MAP3K13: variants seen among roughly 807,000 people sequenced by gnomAD.
MAP3K13 encodes the protein mitogen-activated protein kinase kinase kinase 13.
In MAP3K13, 52 loss-of-function variants were observed where a neutral mutation model predicts 104.0. The ratio of observed to expected loss-of-function variants is 0.50; its 90% CI spans 0.40 to 0.63. The LOEUF is 0.63. Among genes scored for constraint, MAP3K13 ranks in the 20% least tolerant of loss-of-function variants. The probability of loss-of-function intolerance (pLI) is 0.00; values close to 1 mark genes in which losing one functional copy is unlikely to be tolerated. For synonymous variants in MAP3K13, 394 were observed against 442.2 expected, an observed-to-expected ratio of 0.89 and a Z score of 1.37; for missense variants, 914 against 1,218.5, an observed-to-expected ratio of 0.75 and a Z score of 3.72.
chr3:185,345,773 A>G (rs1577447243), intron 2 of MAP3K13, among the ~76,000 whole-genome samples: 1 of 152,288 alleles, frequency 6.6e-6, no homozygotes, highest in African/African-American at 2.4e-5. Flanking sequence ...ATTACAATGT[A>G]ATAATAGAAA....
At chr3:185,469,437 C>T (rs1188726749) in intron 10 of MAP3K13, among the ~76,000 whole-genome samples, 2 of 152,182 alleles carry the variant, frequency 1.3e-5, no homozygotes, top group African/African-American at 4.8e-5. Flanking sequence ...ATCCTCAGTG[C>T]ACTTCTCCAT....
intron 2 of MAP3K13, among the ~76,000 whole-genome samples, chr3:185,313,704 G>C (rs1162139489): frequency 6.7e-6 from 1 of 149,582 alleles, no homozygotes; most frequent in African/African-American, 2.5e-5. Flanking sequence ...TAAAATACCT[G>C]ATACAGACAT....
chr3:185,384,308 C>CTGTGTGTGTGTGTGTGTGTGTGTG (rs142627913), intron 1 of MAP3K13, among the ~76,000 whole-genome samples: 13 of 147,460 alleles, frequency 8.8e-5, no homozygotes, highest in African/African-American at 3.0e-4. Context: ...GTATTCCATT[C>CTGTGTGTGTGTGTGTGTGTGTGTG]TGTGTGTGTG....
chr3:185,381,279 G>A (rs1172033422), intron 1 of MAP3K13, among the ~76,000 whole-genome samples: 2 of 152,120 alleles, frequency 1.3e-5, no homozygotes, highest in African/African-American at 4.8e-5. Flanking sequence ...AGAGTTTCAT[G>A]CATAGAGTAT....
At chr3:185,476,772 G>A (rs929619303) in intron 11 of MAP3K13, among the ~76,000 whole-genome samples, 2 of 152,030 alleles carry the variant, frequency 1.3e-5, no homozygotes, top group African/African-American at 4.8e-5. Flanking sequence ...ATATTTATAG[G>A]GATAACACCA....
chr3:185,423,882 CTGCCAG>C lies in MAP3K13; in HGVS notation c.-85-4611_-85-4606del, dbSNP rs1350449884. ...TCTGGTCATTCCCGCTTCCCTGCCTCTGCCAGTGCTCTTGTTCGCCCCTGATTTCCT... is the reference window on the plus strand; with the variant it reads ...TCTGGTCATTCCCGCTTCCCTGCCTCTGCTCTTGTTCGCCCCTGATTTCCT... On this transcript the variant is annotated intron_variant, in intron 1 of 13. Coordinates refer to ENST00000265026, the MANE Select transcript of MAP3K13 (RefSeq NM_004721.5). This position sits in a 1 kb window ranked among gnomAD's most constrained non-coding sequence, Gnocchi z 4.1. Among the ~76,000 whole-genome samples, 1 of 152,180 alleles carries C rather than the reference CTGCCAG, an allele frequency of 6.6e-6. No individual in the cohort carries two copies. The highest frequency in any genetic ancestry group is 2.4e-5 in the African/African-American group (1 of 41,450).
At chr3:185,353,191 G>A (rs554644629) in intron 2 of MAP3K13, among the ~76,000 whole-genome samples, 231 of 152,270 alleles carry the variant, frequency 1.5e-3, no homozygotes, top group African/African-American at 5.3e-3. Context: ...CTATAGTGCT[G>A]GGTATTGTTA....
At chr3:185,339,398 G>A (rs1336449621) in intron 2 of MAP3K13, among the ~76,000 whole-genome samples, 1 of 152,202 alleles carries the variant, frequency 6.6e-6, no homozygotes, top group East Asian at 1.9e-4. Flanking sequence ...GTGTGTTCTC[G>A]AAGTGTGTTC....
upstream of MAP3K13, among the ~76,000 whole-genome samples, chr3:185,362,477 T>C (rs969916410): frequency 2.0e-4 from 31 of 152,330 alleles, no homozygotes; most frequent in African/African-American, 6.5e-4. Flanking sequence ...TGTACCCTAC[T>C]TAAAAGTAGC....
rs571954612 is a variant in MAP3K13, at chr3:185,446,773, TC to T, written c.852-1015del. Among the ~76,000 whole-genome samples, 424 of 152,364 alleles carry T rather than the reference TC, an allele frequency of 2.8e-3. 2 individuals are homozygous for T. Among genetic ancestry groups the T allele is most frequent in the African/African-American group, 9.9e-3 (413 of 41,584 alleles). On this transcript the variant is annotated intron_variant, in intron 4 of 13. Coordinates refer to ENST00000265026, the MANE Select transcript of MAP3K13 (RefSeq NM_004721.5). ...TCTCATTCATGATATTAGTTGGCTA[TC>T]ATTTAAACAGTGTTTTAAAAGAAGT...
intron 3 of MAP3K13, among the ~76,000 whole-genome samples, chr3:185,441,926 A>T (rs956038251): frequency 6.6e-6 from 1 of 151,958 alleles, no homozygotes; most frequent in Non-Finnish European, 1.5e-5. Flanking sequence ...CTGTAGTCCC[A>T]GCTACCCGGG....
At position 185,426,359 on chromosome 3, in the gene MAP3K13, C is replaced by T. The variant is rs544111940; in HGVS notation, c.-85-2138C>T. Among the ~76,000 whole-genome samples, 11 of 152,276 alleles carry T rather than the reference C, an allele frequency of 7.2e-5. No homozygotes were observed. In the East Asian group the frequency reaches 1.9e-3, roughly 27 times the overall value. ...CCTCCGAAAGTTTTGGGATTACAGG[C>T]GTGAGCTACCACGCCAGCCAAGGAT... On this transcript the variant is annotated intron_variant, in intron 1 of 13. Coordinates refer to ENST00000265026, the MANE Select transcript of MAP3K13 (RefSeq NM_004721.5).
rs1239226509 is a variant in MAP3K13, at chr3:185,482,016, G to A, written c.2800-339G>A. 6.6e-6 allele frequency among the ~76,000 whole-genome samples: 1 copy of A among 152,176 alleles called. No individual in the cohort carries two copies. The highest frequency in any genetic ancestry group is 2.4e-5 in the African/African-American group (1 of 41,436). On this transcript the variant is annotated intron_variant, in intron 13 of 13. Coordinates refer to ENST00000265026, the MANE Select transcript of MAP3K13 (RefSeq NM_004721.5). The surrounding 1 kb of genome is among the most constrained non-coding windows in gnomAD (Gnocchi z 4.5). ...GGAGAATCGCTTGAATCCGGGAGGC[G>A]GAGGTTGCAGCGAGCCAAGATCGTG...
chr3:185,418,882 TG>T lies in MAP3K13; in HGVS notation c.-85-9614del, dbSNP rs1322960700. On this transcript the variant is annotated intron_variant, in intron 1 of 13. Coordinates refer to ENST00000265026, the MANE Select transcript of MAP3K13 (RefSeq NM_004721.5). The surrounding 1 kb of genome is among the most constrained non-coding windows in gnomAD (Gnocchi z 4.5). ...TTTTGGGTTTCAGTTCTCTTAATCA[TG>T]ATCATTCTGCCTTTTCTAGAATCAA... 13 of 1,223,788 alleles carry T rather than the reference TG, an allele frequency of 1.1e-5. No individual in the cohort carries two copies. Among genetic ancestry groups the T allele is most frequent in the Non-Finnish European group, 1.5e-5 (13 of 890,382 alleles). The allele number at this position is 1,223,788 out of a possible 1,614,324, so 75.8% of individuals were successfully genotyped here.
chr3:185,369,127 A>C (rs1234352258), intron 1 of MAP3K13, among the ~76,000 whole-genome samples: 1 of 152,244 alleles, frequency 6.6e-6, no homozygotes, highest in Non-Finnish European at 1.5e-5. Context: ...AACTTAGTTT[A>C]ATCTAATGAA....
In MAP3K13 at chr3:185,480,339, C is replaced by G. The variant is rs748337639; in HGVS notation, c.2609C>G (p.Pro870Arg). The G allele has an allele frequency of 6.2e-6, 10 of 1,614,168 alleles. No individual in the cohort carries two copies. Among genetic ancestry groups the G allele is most frequent in the Non-Finnish European group, 5.1e-6 (6 of 1,180,030 alleles). Residue 870 changes from proline (P) to arginine (R), a missense_variant, in exon 13 of 14, where the codon CCT (proline) becomes CGT (arginine). Pro to Arg is a moderately radical substitution (Grantham distance 103, BLOSUM62 -2). This residue lies in a region of MAP3K13 where 583 missense variants were observed against 737.4 expected (regional missense o/e 0.79). Coordinates refer to ENST00000265026, the MANE Select transcript of MAP3K13 (RefSeq NM_004721.5). The part of the protein sequence containing the change: ...EGNTSDHSNS[P>R]DELADKLEDR... ...AATACCAGTGACCACTCAAACAGTC[C>G]TGATGAGTTAGCTGATAAACTTGAA...
At chr3:185,377,848 A>G (rs1724507590) in intron 1 of MAP3K13, among the ~76,000 whole-genome samples, 1 of 152,262 alleles carries the variant, frequency 6.6e-6, no homozygotes, top group South Asian at 2.1e-4. Flanking sequence ...CTTGGGCCAG[A>G]GTTCCAGGGG....
At chr3:185,468,352 A>G (rs1168636152) in intron 10 of MAP3K13, among the ~76,000 whole-genome samples, 3 of 152,226 alleles carry the variant, frequency 2.0e-5, no homozygotes, top group Non-Finnish European at 4.4e-5. Flanking sequence ...AGGTGCTCGA[A>G]AAATGTATTT....
At chr3:185,359,914 C>T (rs1409931436), upstream of MAP3K13, among the ~76,000 whole-genome samples, 3 of 150,692 alleles carry the variant, frequency 2.0e-5, no homozygotes, top group Middle Eastern at 3.2e-3. Flanking sequence ...AGTTGTTTTC[C>T]TTTTTTAAAA....
Sources: gnomAD v4.1 joint callset for allele counts (sites outside exome capture counted in the v4.1 genomes callset) on GRCh38, gnomAD v4.1.1 for gene constraint, gnomAD v4.1.1 regional missense constraint, Gnocchi (gnomAD v3.1) non-coding constraint, MANE v1.5 for transcripts, NCBI Gene and HGNC (gene_info 2026-07-23, HGNC 2026-07-21) for gene names.